Variants in DYNC1LI1 observed in about 807,000 individuals in gnomAD.
DYNC1LI1 encodes the protein cytoplasmic dynein 1 light intermediate chain 1.
In DYNC1LI1, 19 loss-of-function variants were observed where a neutral mutation model predicts 63.8. That is an observed-to-expected ratio of 0.30 (90% CI 0.21 to 0.44). DYNC1LI1 has a LOEUF of 0.44. Among genes scored for constraint, DYNC1LI1 ranks in the 20% least tolerant of loss-of-function variants. The probability of loss-of-function intolerance (pLI) is 1.00; values close to 1 mark genes in which losing one functional copy is unlikely to be tolerated. For synonymous variants in DYNC1LI1, 225 were observed against 232.3 expected (o/e 0.97, Z 0.28); for missense variants, 565 against 630.2 (o/e 0.90, Z 1.11).
Position 32,570,725 on chromosome 3 carries a change from C to G in DYNC1LI1, c.46G>C (p.Gly16Arg). The change falls in exon 1 of 13, where the codon GGA (glycine) becomes CGA (arginine). Residue 16 changes from glycine to arginine, a missense_variant. By Grantham distance (125) the Gly-to-Arg change is moderately radical (BLOSUM62 -2). Transcript: ENST00000273130. ...CCGCCAGTGTAAGTCGAGGATAATC[C>G]CGGCGGAGAAGAACCGAAGGAGCCG... Reference protein sequence around the residue: ...RVGSFGSSPPGLSSTYTGGPL... With the variant: ...RVGSFGSSPPRLSSTYTGGPL... 6.2e-7 allele frequency: 1 copy of G among 1,608,502 alleles called. No individual in the cohort carries two copies. The highest frequency in any genetic ancestry group is 8.5e-7 in the Non-Finnish European group (1 of 1,177,484).
intron 2 of DYNC1LI1, among the ~76,000 whole-genome samples, chr3:32,559,163 C>T (rs930794315): frequency 2.0e-5 from 3 of 151,788 alleles, no homozygotes; most frequent in Non-Finnish European, 2.9e-5. Flanking sequence ...ACTTGCACTA[C>T]AGGTGTGTGC....
At chr3:32,529,389 C>A (rs1360503703) in intron 11 of DYNC1LI1, 151 bp downstream of exon 11, 2 of 585,678 alleles carry the variant, frequency 3.4e-6, no homozygotes, top group East Asian at 3.3e-5. Context: ...GGTTTACAAT[C>A]TGGTTAACTA....
rs1697752910 is a variant in DYNC1LI1 at position 32,534,797 on chromosome 3, G to A, written c.833-151C>T. On this transcript the variant is annotated intron_variant, in intron 6 of 12. Transcript: ENST00000273130. ...TATATGGTAATCAAGAACTTCAAAAGTAAAAAATACTACCTTCATATGGGC... is the reference window on the plus strand; with the variant it reads ...TATATGGTAATCAAGAACTTCAAAAATAAAAAATACTACCTTCATATGGGC... 5 of 492,168 alleles carry A rather than the reference G, an allele frequency of 1.0e-5. No individual in the cohort carries two copies. In the Admixed American group the frequency reaches 1.3e-4, roughly 12 times the overall value. 30.5% of individuals were successfully genotyped at this position (492,168 alleles called of 1,614,324 possible).
intron 11 of DYNC1LI1, among the ~76,000 whole-genome samples, chr3:32,529,253 T>A (rs140415151): frequency 6.6e-6 from 1 of 152,236 alleles, no homozygotes; most frequent in South Asian, 2.1e-4. Context: ...TTTTCCTTTA[T>A]GTTAATTGCA....
At chr3:32,549,035 A>G (rs1308481679) in intron 2 of DYNC1LI1, among the ~76,000 whole-genome samples, 1 of 152,154 alleles carries the variant, frequency 6.6e-6, no homozygotes, top group African/African-American at 2.4e-5. Flanking sequence ...AATGGAAATA[A>G]CCAGTAAAAA....
chr3:32,528,452 T>G lies in DYNC1LI1; in HGVS notation c.1456A>C (p.Lys486Gln). Reference protein sequence around the residue: ...GSSGLPPSTKKSGQKPVLDVH... With the variant: ...GSSGLPPSTKQSGQKPVLDVH... ...TTGCTTCCCATAAGCATACCTGACT[T>G]TTTGGTGGATGGTGGTAAACCACTG... Residue 486 changes from lysine (K) to glutamine (Q), a missense_variant, in exon 12 of 13, where the codon AAG (lysine) becomes CAG (glutamine). Lys to Gln is a moderately conservative substitution (Grantham distance 53, BLOSUM62 1). Transcript: ENST00000273130. 1 of 1,614,144 alleles carries G rather than the reference T, an allele frequency of 6.2e-7. No homozygotes were observed. The highest frequency in any genetic ancestry group is 8.5e-7 in the Non-Finnish European group (1 of 1,180,014).
At chr3:32,565,752 G>A (rs917744619) in intron 2 of DYNC1LI1, among the ~76,000 whole-genome samples, 1 of 152,128 alleles carries the variant, frequency 6.6e-6, no homozygotes, top group Non-Finnish European at 1.5e-5. Context: ...TGGGACTACA[G>A]GAGCCACCAC....
At chr3:32,542,597 G>A (rs1176779026) in intron 4 of DYNC1LI1, among the ~76,000 whole-genome samples, 3 of 152,066 alleles carry the variant, frequency 2.0e-5, no homozygotes, top group Non-Finnish European at 2.9e-5. Context: ...TAGAAAAGAC[G>A]GGGTTTCATC....
At chr3:32,541,313 G>A in intron 4 of DYNC1LI1, 107 bp from the exon 5 acceptor site, 1 of 710,622 alleles carries the variant, frequency 1.4e-6, no homozygotes, top group Non-Finnish European at 2.3e-6. Flanking sequence ...TTAGTCTTGT[G>A]TAAGAGAAGA....
intron 5 of DYNC1LI1, among the ~76,000 whole-genome samples, chr3:32,538,431 T>C (rs1055983928): frequency 6.6e-6 from 1 of 152,004 alleles, no homozygotes; most frequent in Non-Finnish European, 1.5e-5. Context: ...CCAGGCGCGG[T>C]GGCTCACGCC....
chr3:32,555,852 T>C (rs1047315603), intron 2 of DYNC1LI1, among the ~76,000 whole-genome samples: 1 of 152,202 alleles, frequency 6.6e-6, no homozygotes, highest in Admixed American at 6.5e-5. Flanking sequence ...ATAAAGCAAA[T>C]GTAATTAAAT....
rs571556616 is a variant in DYNC1LI1 at position 32,554,134 on chromosome 3, A to G, written c.221-8169T>C. ...TATTTTCAGAAGAGAAAGAAAATTAATGCACTCTTCTTTGTGGACTTCCTC... is the reference window on the plus strand; with the variant it reads ...TATTTTCAGAAGAGAAAGAAAATTAGTGCACTCTTCTTTGTGGACTTCCTC... On this transcript the variant is annotated intron_variant, in intron 2 of 12. Transcript: ENST00000273130. 3.3e-5 allele frequency among the ~76,000 whole-genome samples: 5 copies of G among 152,362 alleles called. No homozygotes were observed. In the South Asian group the frequency reaches 8.3e-4, roughly 25 times the overall value.
chr3:32,548,690 G>A (rs1237673517), intron 2 of DYNC1LI1, among the ~76,000 whole-genome samples: 4 of 152,144 alleles, frequency 2.6e-5, no homozygotes, highest in Non-Finnish European at 5.9e-5. Flanking sequence ...ACAACTTGGT[G>A]ACTATAGTTA....
chr3:32,551,677 T>C (rs1202349733), intron 2 of DYNC1LI1, among the ~76,000 whole-genome samples: 1 of 152,098 alleles, frequency 6.6e-6, no homozygotes, highest in Non-Finnish European at 1.5e-5. Flanking sequence ...GAGACAACTA[T>C]ACTCAAAGGC....
rs778132074 is a variant in DYNC1LI1, at chr3:32,570,234, G to A, written c.220+112C>T. ...CGCGACAGGTCGGGAGGCGAGGCGG[G>A]GCGGGGCTGGGCCGGCTGTCCGCAC... On this transcript the variant is annotated intron_variant, in intron 2 of 12. Transcript: ENST00000273130. 9.6e-5 allele frequency: 85 copies of A among 885,994 alleles called. 1 individual carries two copies. The highest frequency in any genetic ancestry group is 1.3e-4 in the Non-Finnish European group (74 of 551,462). 54.9% of individuals were successfully genotyped at this position (885,994 alleles called of 1,614,324 possible).
chr3:32,528,656 AAATT>A, intron 11 of DYNC1LI1, 55 bp from the exon 12 acceptor site: 1 of 1,509,202 alleles, frequency 6.6e-7, no homozygotes, highest in South Asian at 1.3e-5. Flanking sequence ...ATTCTTCCTT[AAATT>A]ATTATTACAG....
At position 32,534,491 on chromosome 3, in the gene DYNC1LI1, A is replaced by G. The variant is rs1697748712; in HGVS notation, c.968+20T>C. ...TAGCAATAATACATGATAAAATTAT[A>G]TATTTAAGAGTACACTTACATAAAT... On this transcript the variant is annotated intron_variant, in intron 7 of 12. Coordinates refer to ENST00000273130, the MANE Select transcript of DYNC1LI1 (RefSeq NM_016141.4). 1.3e-6 allele frequency: 2 copies of G among 1,505,684 alleles called. No homozygotes were observed. The highest frequency in any genetic ancestry group is 2.1e-5 in the Admixed American group (1 of 47,890). The allele number at this position is 1,505,684 out of a possible 1,614,324, so 93.3% of individuals were successfully genotyped here.
At chr3:32,562,318 G>A (rs1489325508) in intron 2 of DYNC1LI1, among the ~76,000 whole-genome samples, 1 of 152,108 alleles carries the variant, frequency 6.6e-6, no homozygotes. Flanking sequence ...CTACGTGGTA[G>A]GATCATGCAT....
At chr3:32,558,898 T>C (rs1420727171) in intron 2 of DYNC1LI1, among the ~76,000 whole-genome samples, 1 of 152,076 alleles carries the variant, frequency 6.6e-6, no homozygotes, top group Non-Finnish European at 1.5e-5. Flanking sequence ...TGTGAAGACT[T>C]AGAAATGTGA....
Sources: gnomAD v4.1 joint callset for allele counts (sites outside exome capture counted in the v4.1 genomes callset) on GRCh38, gnomAD v4.1.1 for gene constraint, MANE v1.5 for transcripts, NCBI Gene and HGNC (gene_info 2026-07-23, HGNC 2026-07-21) for gene names.